The following NLRC4 variants were observed in gnomAD, a reference collection of about 807,000 sequenced individuals.
NLRC4 encodes the protein NLR family CARD domain-containing protein 4.
NLRC4 carries 63 observed loss-of-function variants against 79.9 expected under a neutral mutation model. The ratio of observed to expected loss-of-function variants is 0.79; its 90% confidence interval spans 0.64 to 0.97. The LOEUF is 0.97. Ranked by LOEUF, NLRC4 falls within the 50% of genes least tolerant of loss-of-function variation. The pLI is 0.00. For missense variants in NLRC4, 1,074 were observed against 1,215.2 expected (o/e 0.88, Z 1.73); for synonymous variants, 461 against 456.5 (o/e 1.01, Z -0.12).
At position 32,224,754 on chromosome 2, in the gene NLRC4, C is replaced by CCAAAA; in HGVS notation, c.2793_2794insTTTTG (p.Gly932PhefsTer7). On this transcript the variant is annotated frameshift_variant, in exon 9 of 9. Transcript: ENST00000402280. LOFTEE classifies it high-confidence loss of function. Reference sequence around the variant, plus strand: ...TGGAAGTTTTTCAGAGGGTTCTTTCCAAAAAATGCACCTGGGTAAAGAAAT... The same window carrying CCAAAA: ...TGGAAGTTTTTCAGAGGGTTCTTTCCCAAAAAAAAAATGCACCTGGGTAAAGAAAT... The CCAAAA allele has an allele frequency of 6.4e-7, 1 of 1,561,376 alleles. No homozygotes were observed.
chr2:32,226,730 A>G (rs1686409282), intron 8 of NLRC4, among the ~76,000 whole-genome samples: 1 of 152,162 alleles, frequency 6.6e-6, no homozygotes, highest in Admixed American at 6.5e-5. Context: ...AAAATACAGA[A>G]TTAGCCAGGC....
rs766145760 is a variant in NLRC4, at chr2:32,250,354, C to T, written c.1510G>A (p.Ala504Thr). 1 of 1,614,168 alleles carries T rather than the reference C, an allele frequency of 6.2e-7. No individual in the cohort carries two copies. The highest frequency in any genetic ancestry group is 1.3e-5 in the African/African-American group (1 of 75,034). Residue 504 changes from alanine to threonine, a missense_variant, in exon 4 of 9, where the codon GCT becomes ACT. Coordinates refer to ENST00000402280, the MANE Select transcript of NLRC4 (RefSeq NM_001199138.2). The surrounding 1 kb of genome is among the most constrained non-coding windows in gnomAD (Gnocchi z 4.9). ...ACTGCTGCGAGGTGCTTCATAACAG[C>T]CCTGGTGGCTTCCACAGATGACCCA... Reference protein sequence around the residue: ...TCGSSVEATRAVMKHLAAVYQ... With the variant: ...TCGSSVEATRTVMKHLAAVYQ...
intron 6 of NLRC4, among the ~76,000 whole-genome samples, chr2:32,236,754 A>G (rs114054681): frequency 2.6e-5 from 4 of 152,346 alleles, no homozygotes; most frequent in African/African-American, 9.6e-5. Context: ...AACAGGAACA[A>G]CAACAACAAC....
chr2:32,261,954 G>A (rs1025957179), intron 1 of NLRC4, among the ~76,000 whole-genome samples: 4 of 151,950 alleles, frequency 2.6e-5, no homozygotes, highest in East Asian at 3.9e-4. Context: ...GGTGGCAGGC[G>A]CCTGTACTCC....
intron 5 of NLRC4, among the ~76,000 whole-genome samples, chr2:32,238,664 C>CGCG (rs1553343864): frequency 3.3e-5 from 5 of 151,622 alleles, no homozygotes; most frequent in Admixed American, 3.3e-4. Flanking sequence ...TCTTAAACAG[C>CGCG]GGGGGGGCTG....
At chr2:32,233,134 GAGGAAGGAAGGAAGGAAGGA>G (rs763764067) in intron 8 of NLRC4, among the ~76,000 whole-genome samples, 939 of 33,692 alleles carry the variant, frequency 0.028, 48 homozygotes, top group African/African-American at 0.074. Context: ...GTGGGGGAGG[GAGGAAGGAAGGAAGGAAGGA>G]AGGAAGGAAG....
intron 4 of NLRC4, among the ~76,000 whole-genome samples, chr2:32,243,531 G>T (rs895328943): frequency 6.6e-6 from 1 of 151,888 alleles, no homozygotes; most frequent in African/African-American, 2.4e-5. Flanking sequence ...GGCAGGCGTG[G>T]TGGCTCACAC....
At chr2:32,238,056 T>G in intron 6 of NLRC4, 76 bp downstream of exon 6, 1 of 1,005,986 alleles carries the variant, frequency 9.9e-7, no homozygotes, top group Non-Finnish European at 1.4e-6. Flanking sequence ...ATTTGAGACA[T>G]TTAGTGTGAA....
chr2:32,246,908 T>C (rs1044660637), intron 4 of NLRC4, among the ~76,000 whole-genome samples: 1 of 152,164 alleles, frequency 6.6e-6, no homozygotes, highest in Non-Finnish European at 1.5e-5. Context: ...CTGGAGTATC[T>C]GGGATTACAG....
chr2:32,245,081 G>T lies in NLRC4; in HGVS notation c.2258-3956C>A, dbSNP rs28453677. Among the ~76,000 whole-genome samples, 1,263 of 152,078 alleles carry T rather than the reference G, an allele frequency of 8.3e-3. 12 individuals are homozygous for T. The highest frequency in any genetic ancestry group is 0.029 in the African/African-American group (1,199 of 41,482). On this transcript the variant is annotated intron_variant, in intron 4 of 8. Coordinates refer to ENST00000402280, the MANE Select transcript of NLRC4 (RefSeq NM_001199138.2). The stretch of plus-strand genomic sequence containing the variant: ...TCCCAGCAATTTGGGTAGCCGAGGT[G>T]GGTGGATCACTTGAGGTCTGGAGTT...
intron 4 of NLRC4, among the ~76,000 whole-genome samples, chr2:32,246,660 G>C (rs929323989): frequency 6.6e-6 from 1 of 152,208 alleles, no homozygotes; most frequent in East Asian, 1.9e-4. Flanking sequence ...AGTGTTATTT[G>C]GAATTTGGGG....
Position 32,259,262 on chromosome 2 carries a change from A to ATTTTTTTTTTTTTTTTTTTTTTTTTTTT in NLRC4, c.-118-2397_-118-2370dup, listed in dbSNP as rs57570626. 9.5e-5 allele frequency among the ~76,000 whole-genome samples: 5 copies of ATTTTTTTTTTTTTTTTTTTTTTTTTTTT among 52,896 alleles called. 2 individuals are homozygous for ATTTTTTTTTTTTTTTTTTTTTTTTTTTT. Among genetic ancestry groups the ATTTTTTTTTTTTTTTTTTTTTTTTTTTT allele is most frequent in the Admixed American group, 2.2e-4 (1 of 4,548 alleles). The allele number at this position is 52,896 out of a possible 152,430, so 34.7% of individuals were successfully genotyped here. On this transcript the variant is annotated intron_variant, in intron 1 of 8. Transcript: ENST00000402280. ...AGGTGTGTGCCACCATGCCTGGCTA[A>ATTTTTTTTTTTTTTTTTTTTTTTTTTTT]TTTTTTTTTTTTTTTTTTTTTTTTT... is the stretch of plus-strand genomic sequence containing the variant.
rs759603462 is a variant in NLRC4 at position 32,250,469 on chromosome 2, C to G, written c.1395G>C (p.Glu465Asp). ...AGTAACCATTCCCCTTGGTCACCTCCTCTGGCTCATGAGACGTCAATAAAC... is the reference window on the plus strand; with the variant it reads ...AGTAACCATTCCCCTTGGTCACCTCGTCTGGCTCATGAGACGTCAATAAAC... Reference protein sequence around the residue: ...LSSLLTSHEPEEVTKGNGYLQ... With the variant: ...LSSLLTSHEPDEVTKGNGYLQ... Residue 465 changes from glutamate (E) to aspartate (D), a missense_variant, in exon 4 of 9, where the codon GAG becomes GAC. Transcript: ENST00000402280. This position sits in a 1 kb window ranked among gnomAD's most constrained non-coding sequence, Gnocchi z 4.9. 1.4e-5 allele frequency: 23 copies of G among 1,614,112 alleles called. No individual in the cohort carries two copies. In the African/African-American group the frequency reaches 3.1e-4, roughly 22 times the overall value.
At chr2:32,232,180 G>C (rs940700415) in intron 8 of NLRC4, among the ~76,000 whole-genome samples, 7 of 152,100 alleles carry the variant, frequency 4.6e-5, no homozygotes, top group African/African-American at 1.7e-4. Flanking sequence ...TGTTAATGTT[G>C]ACCTTGTTCA....
intron 1 of NLRC4, among the ~76,000 whole-genome samples, chr2:32,258,468 TG>T (rs1430078421): frequency 1.3e-5 from 2 of 152,188 alleles, no homozygotes; most frequent in Non-Finnish European, 2.9e-5. Flanking sequence ...GGCACAGGCC[TG>T]GGGGTGGAGC....
intron 6 of NLRC4, among the ~76,000 whole-genome samples, chr2:32,236,789 G>A (rs1246602730): frequency 6.6e-6 from 1 of 152,070 alleles, no homozygotes; most frequent in East Asian, 1.9e-4. Context: ...CTGGTTTTGT[G>A]TACCTCAACT....
Position 32,250,850 on chromosome 2 carries a change from A to G in NLRC4, c.1014T>C (p.Pro338=), listed in dbSNP as rs757435071. 1 of 1,614,146 alleles carries G rather than the reference A, an allele frequency of 6.2e-7. No homozygotes were observed. Among genetic ancestry groups the G allele is most frequent in the Admixed American group, 1.7e-5 (1 of 60,018 alleles). Residue 338 remains proline (P), a synonymous_variant, in exon 4 of 9, where the codon CCT becomes CCC. Transcript: ENST00000402280. The surrounding 1 kb of genome is among the most constrained non-coding windows in gnomAD (Gnocchi z 4.9). The stretch of plus-strand genomic sequence containing the variant: ...TTGCACAAGTGATGACCACAAAGAG[A>G]GGGGTCTTCATGAGATTCCTCAAGC... The part of the protein sequence containing the change: ...SRCLRNLMKT[P]LFVVITCAIQ...
chr2:32,229,715 T>C (rs933174466), intron 8 of NLRC4, among the ~76,000 whole-genome samples: 3 of 152,140 alleles, frequency 2.0e-5, no homozygotes, highest in African/African-American at 7.2e-5. Flanking sequence ...GACTGAGAAG[T>C]AGCCAAGGTG....
At chr2:32,240,926 A>G in intron 5 of NLRC4, 107 bp downstream of exon 5, 6 of 687,386 alleles carry the variant, frequency 8.7e-6, no homozygotes, top group Non-Finnish European at 1.3e-5. Flanking sequence ...CCACAAGTAC[A>G]TAAAAACATC....
Sources: gnomAD v4.1 joint callset for allele counts (sites outside exome capture counted in the v4.1 genomes callset) on GRCh38, gnomAD v4.1.1 for gene constraint, Gnocchi (gnomAD v3.1) non-coding constraint, MANE v1.5 for transcripts, NCBI Gene and HGNC (gene_info 2026-07-23, HGNC 2026-07-21) for gene names.